PGGHG: variants seen among roughly 807,000 people sequenced by gnomAD.
PGGHG encodes protein-glucosylgalactosylhydroxylysine glucosidase, also known as ATH1, acid trehalase-like 1.
PGGHG carries 67 observed loss-of-function variants against 74.5 expected under a neutral mutation model. That is an observed-to-expected ratio of 0.90 (90% CI 0.74 to 1.10). The LOEUF is 1.10. Among genes scored for constraint, PGGHG ranks in the 50% least tolerant of loss-of-function variants. PGGHG has a pLI of 0.00. For missense variants in PGGHG, 1,034 were observed against 981.5 expected, an observed-to-expected ratio of 1.05 and a Z score of -0.72; for synonymous variants, 496 against 419.9, an observed-to-expected ratio of 1.18 and a Z score of -2.21.
At position 294,206 on chromosome 11, in the gene PGGHG, G is replaced by A. The variant is rs1590291336; in HGVS notation, c.1808+10G>A. On this transcript the variant is annotated intron_variant, in intron 12 of 13. Transcript: ENST00000409548. ...GGTGCACGGGGTTCAGGTAAGTGCA[G>A]AGGCTGGCAGAGGGCAGCCCATGCC... The A allele has an allele frequency of 1.2e-6, 2 of 1,601,816 alleles. No individual in the cohort carries two copies. Among genetic ancestry groups the A allele is most frequent in the Non-Finnish European group, 1.7e-6 (2 of 1,173,352 alleles).
rs1564842964 is a variant in PGGHG, at chr11:294,448, C to T, written c.1990C>T (p.Pro664Ser). 3.1e-6 allele frequency: 5 copies of T among 1,610,856 alleles called. No individual in the cohort carries two copies. The African/African-American group carries it at 6.7e-5, about 22-fold the overall frequency. Residue 664 changes from proline to serine, a missense_variant, in exon 13 of 14, where the codon CCA becomes TCA. Coordinates refer to ENST00000409548, the MANE Select transcript of PGGHG (RefSeq NM_025092.5). ...TCCTCACCTGGAGGCTGAGCTGTGG[C>T]CATCCCAGTCCCGGCTCTCCCTGTT... ...WAPHLEAELW[P>S]SQSRLSLLPG...
chr11:290,615 G>C lies in PGGHG; in HGVS notation c.470+15G>C. 6 of 1,589,346 alleles carry C rather than the reference G, an allele frequency of 3.8e-6. No individual in the cohort carries two copies. Among genetic ancestry groups the C allele is most frequent in the Non-Finnish European group, 5.1e-6 (6 of 1,168,616 alleles). On this transcript the variant is annotated intron_variant, in intron 3 of 13. Transcript: ENST00000409548. ...CAGGGAGCCCGGTAAGGAGGGGGCT[G>C]GATTTGCAGCCAGGGAGTCCAGGGA... is the stretch of plus-strand genomic sequence containing the variant.
At chr11:291,935 G>T (rs749835188) in intron 4 of PGGHG, 41 bp from the exon 5 acceptor site, 19 of 1,565,930 alleles carry the variant, frequency 1.2e-5, no homozygotes, top group Non-Finnish European at 8.6e-7. Flanking sequence ...CGGGAGCAGT[G>T]ACGGCCTGTC....
Position 294,959 on chromosome 11 carries a change from C to G in PGGHG, c.*210C>G, listed in dbSNP as rs536995944. 1.8e-6 allele frequency: 1 copy of G among 548,784 alleles called. No homozygotes were observed. The highest frequency in any genetic ancestry group is 3.1e-6 in the Non-Finnish European group (1 of 319,384). 34.0% of individuals were successfully genotyped at this position (548,784 alleles called of 1,614,324 possible). ...TGGGCAGGTGGCTTCCCCGTGGCATCTCCACACCGCCTCTGCCTGCCCCTG... is the reference window on the plus strand; with the variant it reads ...TGGGCAGGTGGCTTCCCCGTGGCATGTCCACACCGCCTCTGCCTGCCCCTG... On this transcript the variant is annotated 3_prime_UTR_variant, in exon 14 of 14. Transcript: ENST00000409548.
Position 294,697 on chromosome 11 carries a change from T to TGG in PGGHG, c.2164_2165dup (p.Ser723ValfsTer44), listed in dbSNP as rs1308548450. 13 of 1,613,126 alleles carry TGG rather than the reference T, an allele frequency of 8.1e-6. No homozygotes were observed. Among genetic ancestry groups the TGG allele is most frequent in the Non-Finnish European group, 1.0e-5 (12 of 1,179,732 alleles). On this transcript the variant is annotated frameshift_variant, in exon 14 of 14. Transcript: ENST00000409548. LOFTEE classifies it low-confidence loss of function (END_TRUNC). ...CTCCAGAGCCCCCTCTGGGTCACCC[T>TGG]GGGTTCCTCCAGCCCCACCGAGTCA...
intron 4 of PGGHG, chr11:291,575 G>C (rs1845721863): frequency 3.9e-6 from 1 of 258,022 alleles, no homozygotes; most frequent in South Asian, 5.4e-5. Flanking sequence ...ATGGCTGCTG[G>C]GCGTGGAGGT....
chr11:292,137 C>A (rs1437932471), intron 5 of PGGHG, 42 bp downstream of exon 5: 2 of 1,499,072 alleles, frequency 1.3e-6, no homozygotes, highest in South Asian at 1.3e-5. Context: ...CCCTGCAGGG[C>A]CTGCAGCCCC....
rs543789300 is a variant in PGGHG at position 290,146 on chromosome 11, G to A, written c.259+71G>A. On this transcript the variant is annotated intron_variant, in intron 2 of 13. Coordinates refer to ENST00000409548, the MANE Select transcript of PGGHG (RefSeq NM_025092.5). ...AGGTCGGTGGGGCAACCACAGCATCGAATCCCACCAGCACCTCCTGAGTTT... is the reference window on the plus strand; with the variant it reads ...AGGTCGGTGGGGCAACCACAGCATCAAATCCCACCAGCACCTCCTGAGTTT... 13 of 1,467,478 alleles carry A rather than the reference G, an allele frequency of 8.9e-6. No individual in the cohort carries two copies. In the East Asian group the frequency reaches 1.7e-4, roughly 20 times the overall value. The allele number at this position is 1,467,478 out of a possible 1,614,324, so 90.9% of individuals were successfully genotyped here.
At position 289,631 on chromosome 11, in the gene PGGHG, C is replaced by G. The variant is rs1845656002; in HGVS notation, c.-13-173C>G. 1.3e-6 allele frequency: 1 copy of G among 784,414 alleles called. No individual in the cohort carries two copies. The highest frequency in any genetic ancestry group is 1.9e-5 in the South Asian group (1 of 53,046). The allele number at this position is 784,414 out of a possible 1,614,324, so 48.6% of individuals were successfully genotyped here. ...TTGGGGTCTGAGCCCCTCTGAGAGT[C>G]GAGCTCCTTTCCTGCGAGGCCCCGT... On this transcript the variant is annotated intron_variant, in intron 1 of 13. Coordinates refer to ENST00000409548, the MANE Select transcript of PGGHG (RefSeq NM_025092.5). This position sits in a 1 kb window ranked among gnomAD's most constrained non-coding sequence, Gnocchi z 5.6.
chr11:292,668 T>TAC lies in PGGHG; in HGVS notation c.1150_1151dup (p.Thr385ProfsTer39). On this transcript the variant is annotated frameshift_variant, in exon 6 of 14. Transcript: ENST00000409548. LOFTEE classifies it high-confidence loss of function. ...TGTTGGCCTTCGAGCTGTACTACCA[T>TAC]ACCACCCAGGTGAGGTGCTGCGTGC... 1 of 1,613,758 alleles carries TAC rather than the reference T, an allele frequency of 6.2e-7. No individual in the cohort carries two copies.
chr11:293,891 A>C lies in PGGHG; in HGVS notation c.1676A>C (p.Asp559Ala). The C allele has an allele frequency of 6.2e-7, 1 of 1,613,430 alleles. No individual in the cohort carries two copies. Among genetic ancestry groups the C allele is most frequent in the East Asian group, 2.2e-5 (1 of 44,870 alleles). ...GCAGTGCGGGCCCGGGGCCTCCTGG[A>C]CAGGAGCTTTGCCAACATGGCTGAA... ...KDAVRARGLL[D>A]RSFANMAEPF... Residue 559 changes from aspartate (D) to alanine (A), a missense_variant, in exon 11 of 14, where the codon GAC (aspartate) becomes GCC (alanine). By Grantham distance (126) the Asp-to-Ala change is moderately radical. Coordinates refer to ENST00000409548, the MANE Select transcript of PGGHG (RefSeq NM_025092.5).
In PGGHG at chr11:290,090, C is replaced by T; in HGVS notation, c.259+15C>T. 6.6e-7 allele frequency: 1 copy of T among 1,511,022 alleles called. No individual in the cohort carries two copies. Among genetic ancestry groups the T allele is most frequent in the Non-Finnish European group, 8.8e-7 (1 of 1,130,554 alleles). 93.6% of individuals were successfully genotyped at this position (1,511,022 alleles called of 1,614,324 possible). On this transcript the variant is annotated intron_variant, in intron 2 of 13. Coordinates refer to ENST00000409548, the MANE Select transcript of PGGHG (RefSeq NM_025092.5). ...CACCAACACAGGTAGCGCCACCTGGCCTGCCTCACCCCTGCCCCAGGCATT... is the reference window on the plus strand; with the variant it reads ...CACCAACACAGGTAGCGCCACCTGGTCTGCCTCACCCCTGCCCCAGGCATT...
chr11:290,403 C>T lies in PGGHG; in HGVS notation c.273C>T (p.His91=), dbSNP rs770675564. The change falls in exon 3 of 14, where the codon CAC becomes CAT. Residue 91 remains histidine (H), a synonymous_variant. Coordinates refer to ENST00000409548, the MANE Select transcript of PGGHG (RefSeq NM_025092.5). ...ALDTNTGSFL[H]TLEGPRFRAS... is the part of the protein sequence containing the mutation. ...CTGCCTCCCCAGGCTCCTTTCTTCA[C>T]ACCCTGGAGGGCCCCCGCTTCCGGG... 1.9e-5 allele frequency: 30 copies of T among 1,545,640 alleles called. No homozygotes were observed. The African/African-American group carries it at 3.8e-4, about 20-fold the overall frequency.
At position 294,967 on chromosome 11, in the gene PGGHG, C is replaced by T. The variant is rs762325782; in HGVS notation, c.*218C>T. On this transcript the variant is annotated 3_prime_UTR_variant, in exon 14 of 14. Transcript: ENST00000409548. ...TGGCTTCCCCGTGGCATCTCCACACCGCCTCTGCCTGCCCCTGTGGACTGA... is the reference window on the plus strand; with the variant it reads ...TGGCTTCCCCGTGGCATCTCCACACTGCCTCTGCCTGCCCCTGTGGACTGA... The T allele has an allele frequency of 9.0e-5, 48 of 532,452 alleles. No individual in the cohort carries two copies. The highest frequency in any genetic ancestry group is 4.8e-4 in the Middle Eastern group (1 of 2,076). 33.0% of individuals were successfully genotyped at this position (532,452 alleles called of 1,614,324 possible). A position where few individuals can be genotyped will look rare whatever the true frequency, so the allele number is the denominator to read the frequency against.
At chr11:292,123 A>G (rs1234909037) in intron 5 of PGGHG, 28 bp downstream of exon 5, 2 of 1,509,914 alleles carry the variant, frequency 1.3e-6, no homozygotes, top group Non-Finnish European at 1.8e-6. Flanking sequence ...ACTGGCCCGT[A>G]GGGCCCTGCA....
rs761215956 is a variant in PGGHG at position 290,868 on chromosome 11, C to G, written c.661C>G (p.Leu221Val). 6.2e-7 allele frequency: 1 copy of G among 1,611,376 alleles called. No homozygotes were observed. Among genetic ancestry groups the G allele is most frequent in the Admixed American group, 1.7e-5 (1 of 59,842 alleles). ...AQACLTEALQLQARGALYTAH... is the reference protein window; with the variant it reads ...AQACLTEALQVQARGALYTAH... ...GGCCTGCCTCACTGAGGCCCTGCAG[C>G]TGCAGGCCAGGGGAGCTCTGTATAC... Residue 221 changes from leucine (L) to valine (V), a missense_variant, in exon 4 of 14, where the codon CTG becomes GTG. Coordinates refer to ENST00000409548, the MANE Select transcript of PGGHG (RefSeq NM_025092.5).
At position 294,846 on chromosome 11, in the gene PGGHG, C is replaced by T; in HGVS notation, c.*97C>T. 1 of 1,355,808 alleles carries T rather than the reference C, an allele frequency of 7.4e-7. No homozygotes were observed. Among genetic ancestry groups the T allele is most frequent in the Non-Finnish European group, 1.0e-6 (1 of 999,796 alleles). 84.0% of individuals were successfully genotyped at this position (1,355,808 alleles called of 1,614,324 possible). ...CACCCTCCTAGCCTGCCATCCCTCA[C>T]CTGCAGCCAGGCTCTCAGGGAAGGT... is the stretch of plus-strand genomic sequence containing the variant. On this transcript the variant is annotated 3_prime_UTR_variant, in exon 14 of 14. Transcript: ENST00000409548.
At chr11:290,320 G>GAC in intron 2 of PGGHG, 70 bp from the exon 3 acceptor site, 1 of 1,462,394 alleles carries the variant, frequency 6.8e-7, no homozygotes, top group African/African-American at 1.4e-5. Context: ...GGCAGCGGTC[G>GAC]GGTGGTCCAC....
At position 295,038 on chromosome 11, in the gene PGGHG, C is replaced by T. The variant is rs542611677; in HGVS notation, c.*289C>T. 62 of 305,380 alleles carry T rather than the reference C, an allele frequency of 2.0e-4. No individual in the cohort carries two copies. The highest frequency in any genetic ancestry group is 1.1e-3 in the African/African-American group (52 of 46,724). The allele number at this position is 305,380 out of a possible 1,614,324, so 18.9% of individuals were successfully genotyped here. A position where few individuals can be genotyped will look rare whatever the true frequency, so the allele number is the denominator to read the frequency against. On this transcript the variant is annotated 3_prime_UTR_variant, in exon 14 of 14. Coordinates refer to ENST00000409548, the MANE Select transcript of PGGHG (RefSeq NM_025092.5). The stretch of plus-strand genomic sequence containing the variant: ...CGACCCCACCCCGAGCTCCTGAAGC[C>T]GGGGTCTGAGCCTGCATCACCTCTG...
Sources: gnomAD v4.1 joint callset for allele counts on GRCh38, gnomAD v4.1.1 for gene constraint, Gnocchi (gnomAD v3.1) non-coding constraint, MANE v1.5 for transcripts, NCBI Gene and HGNC (gene_info 2026-07-23, HGNC 2026-07-21) for gene names.